Variants in ANTXR2 observed in about 807,000 individuals in gnomAD.
The protein encoded by ANTXR2 is ANTXR cell adhesion molecule 2, also known as anthrax toxin receptor 2.
In ANTXR2, 44 loss-of-function variants were observed where a neutral mutation model predicts 73.7. The observed-to-expected ratio is 0.60, with a 90% CI of 0.47 to 0.77. The LOEUF (loss-of-function observed/expected upper bound fraction) is 0.77, where lower values mean the gene tolerates loss of function less well. Ranked by LOEUF, ANTXR2 falls within the 30% of genes least tolerant of loss-of-function variation. The probability of loss-of-function intolerance (pLI) is 0.00; values close to 1 mark genes in which losing one functional copy is unlikely to be tolerated. For synonymous variants in ANTXR2, 217 were observed against 205.9 expected (o/e 1.05, Z -0.46); for missense variants, 604 against 592.5 (o/e 1.02, Z -0.20).
intron 10 of ANTXR2, among the ~76,000 whole-genome samples, chr4:80,025,040 A>G (rs192826801): frequency 2.0e-4 from 31 of 152,358 alleles, no homozygotes; most frequent in African/African-American, 7.0e-4. Context: ...CTCCATCATT[A>G]AAATATGTTT....
intron 7 of ANTXR2, among the ~76,000 whole-genome samples, chr4:80,047,789 A>C (rs2110099913): frequency 6.6e-6 from 1 of 151,860 alleles, no homozygotes; most frequent in South Asian, 2.1e-4. Flanking sequence ...ACTTACTGAG[A>C]GAGAAGACCC....
chr4:79,906,686 C>A lies in ANTXR2; in HGVS notation c.*743G>T, dbSNP rs545341922. 1.3e-5 allele frequency: 2 copies of A among 152,604 alleles called. No individual in the cohort carries two copies. Among genetic ancestry groups the A allele is most frequent in the African/African-American group, 4.8e-5 (2 of 41,452 alleles). 9.5% of individuals were successfully genotyped at this position (152,604 alleles called of 1,614,324 possible). A position where few individuals can be genotyped will look rare whatever the true frequency, so the allele number is the denominator to read the frequency against. On this transcript the variant is annotated 3_prime_UTR_variant, in exon 17 of 17. Transcript: ENST00000403729. ...TACACTCAAGATCTCTGGCTAGAGG[C>A]CTTCTGTGGAATAACGCTCTATTAA...
intron 16 of ANTXR2, among the ~76,000 whole-genome samples, chr4:79,961,984 C>T (rs181344935): frequency 2.6e-5 from 4 of 152,004 alleles, no homozygotes; most frequent in East Asian, 1.9e-4. Flanking sequence ...CAACTAAGTA[C>T]CCAAGTTCTG....
intron 2 of ANTXR2, 108 bp from the exon 3 acceptor site, chr4:80,069,615 C>A: frequency 1.3e-6 from 1 of 788,056 alleles, no homozygotes; most frequent in Non-Finnish European, 2.0e-6. Flanking sequence ...ACTGAATGGT[C>A]CAGGCTTCTT....
intron 14 of ANTXR2, among the ~76,000 whole-genome samples, chr4:79,981,464 T>C (rs1357110681): frequency 2.6e-5 from 4 of 152,260 alleles, no homozygotes; most frequent in Non-Finnish European, 5.9e-5. Context: ...TAAATTCATT[T>C]ATGTTTGACG....
At chr4:79,964,439 AAG>A (rs1729269398) in intron 16 of ANTXR2, among the ~76,000 whole-genome samples, 1 of 152,188 alleles carries the variant, frequency 6.6e-6, no homozygotes, top group East Asian at 1.9e-4. Context: ...GGCCTTTCAA[AAG>A]AGTCCACGGC....
At chr4:80,005,817 G>A (rs1731274922) in intron 12 of ANTXR2, among the ~76,000 whole-genome samples, 1 of 152,094 alleles carries the variant, frequency 6.6e-6, no homozygotes, top group African/African-American at 2.4e-5. Context: ...TGTGAAGCCA[G>A]CAAAGTTTCT....
At chr4:80,040,994 A>G (rs1441549949) in intron 7 of ANTXR2, among the ~76,000 whole-genome samples, 1 of 152,150 alleles carries the variant, frequency 6.6e-6, no homozygotes, top group African/African-American at 2.4e-5. Context: ...TCCAAAATTC[A>G]AAAGAATTTC....
Position 80,072,859 on chromosome 4 carries a change from C to A in ANTXR2, c.-299G>T. On this transcript the variant is annotated 5_prime_UTR_variant, in exon 1 of 17. Transcript: ENST00000403729. Reference sequence around the variant, plus strand: ...TTCCGGAGAGTTCCTGCAGACAATGCGGGCCCACGGCGACAGCTCGCGAAA... The same window carrying A: ...TTCCGGAGAGTTCCTGCAGACAATGAGGGCCCACGGCGACAGCTCGCGAAA... 1 of 486,348 alleles carries A rather than the reference C, an allele frequency of 2.1e-6. No individual in the cohort carries two copies. Among genetic ancestry groups the A allele is most frequent in the Middle Eastern group, 6.5e-4 (1 of 1,546 alleles). The allele number at this position is 486,348 out of a possible 1,614,324, so 30.1% of individuals were successfully genotyped here.
chr4:80,027,810 T>C (rs1732509431), intron 10 of ANTXR2, among the ~76,000 whole-genome samples: 1 of 152,162 alleles, frequency 6.6e-6, no homozygotes, highest in Non-Finnish European at 1.5e-5. Context: ...TGTGCTATTG[T>C]TGATGTCTCA....
chr4:79,986,411 G>T (rs1459968792), intron 12 of ANTXR2, among the ~76,000 whole-genome samples: 3 of 152,122 alleles, frequency 2.0e-5, no homozygotes, highest in Admixed American at 6.5e-5. Flanking sequence ...TTAATGTGTA[G>T]TATATTACTA....
intron 12 of ANTXR2, among the ~76,000 whole-genome samples, chr4:79,990,583 A>G (rs2110029747): frequency 6.6e-6 from 1 of 152,252 alleles, no homozygotes; most frequent in Non-Finnish European, 1.5e-5. Flanking sequence ...ATTCAATGCT[A>G]TTTCTATCAA....
chr4:79,933,792 T>TGGCACGATCTCGGCTCAC (rs1728152412), intron 16 of ANTXR2, among the ~76,000 whole-genome samples: 1 of 141,738 alleles, frequency 7.1e-6, no homozygotes. Context: ...TGGGGTGCAG[T>TGGCACGATCTCGGCTCAC]GGCACGATCT....
intron 16 of ANTXR2, among the ~76,000 whole-genome samples, chr4:79,961,966 A>T (rs866136638): frequency 2.0e-5 from 3 of 152,120 alleles, no homozygotes; most frequent in Non-Finnish European, 4.4e-5. Flanking sequence ...CTATATGGGG[A>T]GGGGAGACAA....
chr4:79,980,899 A>G (rs914860318), intron 14 of ANTXR2, among the ~76,000 whole-genome samples: 2 of 145,618 alleles, frequency 1.4e-5, no homozygotes, highest in Non-Finnish European at 3.0e-5. Context: ...AATTCCTTTT[A>G]CTTTTCCTAG....
At chr4:79,928,323 G>C (rs897277680) in intron 16 of ANTXR2, among the ~76,000 whole-genome samples, 4 of 152,262 alleles carry the variant, frequency 2.6e-5, no homozygotes, top group Non-Finnish European at 5.9e-5. Flanking sequence ...CATAGAGACA[G>C]AATAAAATAG....
At chr4:79,926,484 AT>A (rs1727785922) in intron 16 of ANTXR2, among the ~76,000 whole-genome samples, 1 of 152,150 alleles carries the variant, frequency 6.6e-6, no homozygotes, top group African/African-American at 2.4e-5. Context: ...AAATAAAGAA[AT>A]CTGATTTTAA....
chr4:80,071,723 T>A, intron 1 of ANTXR2, 69 bp from the exon 2 acceptor site: 1 of 1,333,622 alleles, frequency 7.5e-7, no homozygotes, highest in Non-Finnish European at 1.1e-6. Flanking sequence ...TTTGAAATGG[T>A]TCCTTCTTCA....
intron 3 of ANTXR2, among the ~76,000 whole-genome samples, chr4:80,059,321 CATAT>C (rs111729532): frequency 6.7e-6 from 1 of 149,394 alleles, no homozygotes; most frequent in Non-Finnish European, 1.5e-5. Flanking sequence ...ACACAAACAC[CATAT>C]ATATATATAT....
Sources: allele counts gnomAD v4.1 joint callset (sites outside exome capture counted in the v4.1 genomes callset), GRCh38; gene constraint gnomAD v4.1.1; transcripts MANE v1.5; gene names NCBI Gene and HGNC (gene_info 2026-07-23, HGNC 2026-07-21).